EHD2: variants seen among roughly 807,000 people sequenced by gnomAD.
EHD2 encodes the protein EH domain-containing protein 2.
In EHD2, 27 loss-of-function variants were observed where a neutral mutation model predicts 41.0. The observed-to-expected ratio is 0.66, with a 90% CI of 0.49 to 0.91. EHD2 has a LOEUF of 0.91. Among genes scored for constraint, EHD2 ranks in the 40% least tolerant of loss-of-function variants. The pLI is 0.00. For missense variants in EHD2, 673 were observed against 773.9 expected (o/e 0.87, Z 1.55); for synonymous variants, 342 against 341.0 (o/e 1.00, Z -0.03).
At chr19:47,722,206 G>T (rs1039415717) in intron 3 of EHD2, among the ~76,000 whole-genome samples, 4 of 152,148 alleles carry the variant, frequency 2.6e-5, no homozygotes, top group Non-Finnish European at 4.4e-5. Context: ...GGTGAGTGCC[G>T]TTGTGGGCCC....
chr19:47,739,164 C>A (rs1966957523), intron 5 of EHD2, among the ~76,000 whole-genome samples: 1 of 151,794 alleles, frequency 6.6e-6, no homozygotes, highest in South Asian at 2.1e-4. Flanking sequence ...CAGTGTGGTG[C>A]TATCTTCGCT....
intron 4 of EHD2, among the ~76,000 whole-genome samples, chr19:47,728,102 A>C (rs1439947468): frequency 8.1e-6 from 1 of 122,854 alleles, no homozygotes; most frequent in Non-Finnish European, 2.0e-5. Context: ...TCTCAAAATA[A>C]AAAAAAAAAA....
At position 47,735,552 on chromosome 19, in the gene EHD2, C is replaced by T. The variant is rs1416983015; in HGVS notation, c.916-817C>T. ...ATTTGAGGCTGCAGTAAGTTATGAT[C>T]GCACCACTGCACTCCTGGCTGGGTG... On this transcript the variant is annotated intron_variant, in intron 4 of 5. Coordinates refer to ENST00000263277, the MANE Select transcript of EHD2 (RefSeq NM_014601.4). Among the ~76,000 whole-genome samples the T allele has an allele frequency of 2.6e-5, 4 of 151,530 alleles. No homozygotes were observed. The South Asian group carries it at 6.2e-4, about 24-fold the overall frequency.
At chr19:47,740,199 C>T (rs540588497) in intron 5 of EHD2, among the ~76,000 whole-genome samples, 192 of 151,930 alleles carry the variant, frequency 1.3e-3, no homozygotes, top group Middle Eastern at 6.8e-3. Context: ...GACTTGGTCT[C>T]TACAAAAAAT....
In EHD2 at chr19:47,726,061, G is replaced by A. The variant is rs1490012729; in HGVS notation, c.752G>A (p.Arg251His). The change falls in exon 4 of 6, where the codon CGC (arginine) becomes CAC (histidine). Residue 251 changes from arginine to histidine, a missense_variant. Transcript: ENST00000263277. Reference sequence around the variant, plus strand: ...GTGGTGGGCACGCCCGAGGTGCTGCGCGTCTACATCGGCTCCTTCTGGTCC... The same window carrying A: ...GTGGTGGGCACGCCCGAGGTGCTGCACGTCTACATCGGCTCCTTCTGGTCC... ...GKVVGTPEVL[R>H]VYIGSFWSQP... 3.8e-6 allele frequency: 6 copies of A among 1,584,718 alleles called. No individual in the cohort carries two copies. Among genetic ancestry groups the A allele is most frequent in the Non-Finnish European group, 5.1e-6 (6 of 1,166,062 alleles).
At chr19:47,724,394 G>T (rs1973728347) in intron 3 of EHD2, among the ~76,000 whole-genome samples, 1 of 152,168 alleles carries the variant, frequency 6.6e-6, no homozygotes, top group Non-Finnish European at 1.5e-5. Context: ...TTACAGAAAA[G>T]AAAACACAAG....
At chr19:47,737,608 G>T (rs1966938652) in intron 5 of EHD2, among the ~76,000 whole-genome samples, 1 of 151,892 alleles carries the variant, frequency 6.6e-6, no homozygotes, top group Non-Finnish European at 1.5e-5. Flanking sequence ...AGTGAGCTGA[G>T]ATCACACCAC....
At chr19:47,724,075 A>G (rs1365153235) in intron 3 of EHD2, among the ~76,000 whole-genome samples, 1 of 140,658 alleles carries the variant, frequency 7.1e-6, no homozygotes, top group Non-Finnish European at 1.5e-5. Context: ...TTTAATCTTC[A>G]CAACAGTCTT....
intron 4 of EHD2, among the ~76,000 whole-genome samples, chr19:47,732,641 G>A (rs965746700): frequency 1.3e-5 from 2 of 150,940 alleles, no homozygotes; most frequent in Non-Finnish European, 3.0e-5. Flanking sequence ...GGCTGGTCTC[G>A]AACTTCTGGC....
chr19:47,737,198 T>G (rs1466041288), intron 5 of EHD2, among the ~76,000 whole-genome samples: 1 of 123,794 alleles, frequency 8.1e-6, no homozygotes, highest in Admixed American at 9.8e-5. Flanking sequence ...GCCACTTTAC[T>G]CCGGCCTAGG....
At chr19:47,732,557 C>A (rs1966883434) in intron 4 of EHD2, among the ~76,000 whole-genome samples, 1 of 151,940 alleles carries the variant, frequency 6.6e-6, no homozygotes, top group Non-Finnish European at 1.5e-5. Context: ...TTCACTGGGA[C>A]TATAGGCGCG....
chr19:47,736,998 G>A (rs192597986), intron 5 of EHD2, among the ~76,000 whole-genome samples: 3 of 152,066 alleles, frequency 2.0e-5, no homozygotes, highest in East Asian at 3.9e-4. Context: ...TTGGGAGGCC[G>A]AGGCGGGCGG....
In EHD2 at chr19:47,720,132, T is replaced by C. The variant is rs111711989; in HGVS notation, c.502+1526T>C. Among the ~76,000 whole-genome samples the C allele has an allele frequency of 9.0e-4, 133 of 147,406 alleles. 1 individual carries two copies. The highest frequency in any genetic ancestry group is 2.9e-3 in the African/African-American group (112 of 38,506). On this transcript the variant is annotated intron_variant, in intron 3 of 5. Transcript: ENST00000263277. ...ATGCCTCTGTGTGTGTGTGTGTGTG[T>C]GCGCATGTGCCTATAATTGTGGCTG...
intron 5 of EHD2, among the ~76,000 whole-genome samples, chr19:47,737,807 C>T (rs1173129552): frequency 6.6e-6 from 1 of 151,378 alleles, no homozygotes; most frequent in East Asian, 1.9e-4. Flanking sequence ...AACTCCTGGG[C>T]TCAAAGGTCC....
At chr19:47,731,280 A>AAAAAAAAAAAAAT (rs1491458646) in intron 4 of EHD2, 1 of 54,730 alleles carries the variant, frequency 1.8e-5, no homozygotes, top group African/African-American at 6.5e-5. Context: ...AAAAAAAAAA[A>AAAAAAAAAAAAAT]TATATATATA....
chr19:47,742,663 C>T lies in EHD2; in HGVS notation c.*1231C>T, dbSNP rs1967004426. 6.6e-6 allele frequency: 1 copy of T among 152,646 alleles called. No individual in the cohort carries two copies. The highest frequency in any genetic ancestry group is 2.1e-4 in the South Asian group (1 of 4,840). The allele number at this position is 152,646 out of a possible 1,614,324, so 9.5% of individuals were successfully genotyped here. ...ATACTGTGCCCCCTTGGAGATATTT[C>T]CGTCCTCCACCCACGTGTCTGTGGC... is the stretch of plus-strand genomic sequence containing the variant. On this transcript the variant is annotated 3_prime_UTR_variant, in exon 6 of 6. Coordinates refer to ENST00000263277, the MANE Select transcript of EHD2 (RefSeq NM_014601.4).
At position 47,741,918 on chromosome 19, in the gene EHD2, A is replaced by C. The variant is rs796151537; in HGVS notation, c.*486A>C. ...CCTGGCTGAGCAGCCCTGTGGCTGA[A>C]ATGACTAGCAGATAAACAGACCCCC... On this transcript the variant is annotated 3_prime_UTR_variant, in exon 6 of 6. Transcript: ENST00000263277. This position sits in a 1 kb window ranked among gnomAD's most constrained non-coding sequence, Gnocchi z 4.5. The C allele has an allele frequency of 1.5e-5, 7 of 457,158 alleles. 1 individual carries two copies. Among genetic ancestry groups the C allele is most frequent in the African/African-American group, 1.4e-4 (7 of 50,232 alleles). 28.3% of individuals were successfully genotyped at this position (457,158 alleles called of 1,614,324 possible). A position where few individuals can be genotyped will look rare whatever the true frequency, so the allele number is the denominator to read the frequency against.
intron 1 of EHD2, among the ~76,000 whole-genome samples, chr19:47,715,080 A>AATAAATAAAAAG (rs1446010097): frequency 2.0e-5 from 3 of 147,054 alleles, no homozygotes; most frequent in Admixed American, 6.8e-5. Context: ...TAAATAAATA[A>AATAAATAAAAAG]AAAGAAAGAA....
At chr19:47,728,571 CTT>C (rs761204748) in intron 4 of EHD2, among the ~76,000 whole-genome samples, 24 of 131,076 alleles carry the variant, frequency 1.8e-4, no homozygotes, top group Admixed American at 2.4e-4. Flanking sequence ...TTCTTTCTTT[CTT>C]TTTTTTTTTT....
Sources: allele counts gnomAD v4.1 joint callset (sites outside exome capture counted in the v4.1 genomes callset), GRCh38; gene constraint gnomAD v4.1.1; non-coding constraint Gnocchi (gnomAD v3.1); transcripts MANE v1.5; gene names NCBI Gene and HGNC (gene_info 2026-07-23, HGNC 2026-07-21).